The following OSBPL8 variants were observed in gnomAD, a reference collection of about 807,000 sequenced individuals.
The protein encoded by OSBPL8 is oxysterol-binding protein-related protein 8.
OSBPL8 carries 59 observed loss-of-function variants against 125.5 expected under a neutral mutation model. The observed-to-expected ratio is 0.47, with a 90% CI of 0.38 to 0.58. The LOEUF is 0.58. OSBPL8 is among the 20% of genes least tolerant of loss of function. The probability of loss-of-function intolerance (pLI) is 0.00; values close to 1 mark genes in which losing one functional copy is unlikely to be tolerated. For missense variants in OSBPL8, 758 were observed against 1,047.8 expected (o/e 0.72, Z 3.82); for synonymous variants, 330 against 338.9 (o/e 0.97, Z 0.29).
chr12:76,392,429 A>G (rs766390241), intron 10 of OSBPL8, 152 bp downstream of exon 10: 5 of 589,974 alleles, frequency 8.5e-6, no homozygotes, highest in African/African-American at 1.8e-5. Flanking sequence ...TATAGCAGCT[A>G]AACAAATTTT....
chr12:76,365,061 T>C (rs1410433354), intron 21 of OSBPL8, among the ~76,000 whole-genome samples: 1 of 152,128 alleles, frequency 6.6e-6, no homozygotes, highest in Admixed American at 6.5e-5. Context: ...GCTCACGTGA[T>C]CCTCCCATCT....
At chr12:76,383,353 G>A (rs1231300270) in intron 15 of OSBPL8, among the ~76,000 whole-genome samples, 3 of 148,534 alleles carry the variant, frequency 2.0e-5, no homozygotes, top group South Asian at 4.2e-4. Flanking sequence ...AACTTAAGGG[G>A]AAAAAAACAA....
chr12:76,524,613 GT>G (rs994485975), intron 1 of OSBPL8, among the ~76,000 whole-genome samples: 2 of 150,184 alleles, frequency 1.3e-5, no homozygotes, highest in African/African-American at 2.4e-5. Context: ...CCACTGTGAA[GT>G]TTTTTTTGGC....
chr12:76,434,871 C>T (rs1171021222), intron 4 of OSBPL8, among the ~76,000 whole-genome samples: 1 of 152,068 alleles, frequency 6.6e-6, no homozygotes, highest in Admixed American at 6.6e-5. Context: ...TAACTTTTCA[C>T]TAGGATGCAG....
intron 1 of OSBPL8, among the ~76,000 whole-genome samples, chr12:76,526,635 C>CTTTTTTTTTTTTTTTTT (rs573409160): frequency 6.2e-5 from 4 of 64,262 alleles, no homozygotes; most frequent in African/African-American, 2.1e-4. Context: ...CAGTAAATCT[C>CTTTTTTTTTTTTTTTTT]TTTTTTTTTT....
intron 12 of OSBPL8, among the ~76,000 whole-genome samples, chr12:76,387,886 CAT>C (rs1204649474): frequency 3.9e-5 from 6 of 152,242 alleles, no homozygotes; most frequent in African/African-American, 1.4e-4. Context: ...AAGAGGTACA[CAT>C]GTCTTGTTAC....
intron 1 of OSBPL8, among the ~76,000 whole-genome samples, chr12:76,555,708 T>G (rs1231027942): frequency 1.3e-5 from 2 of 152,194 alleles, no homozygotes; most frequent in Non-Finnish European, 2.9e-5. Context: ...GATTGGCCGA[T>G]GGAAACGACG....
At chr12:76,552,481 ATTTTTGTGGGC>A (rs1950974411) in intron 1 of OSBPL8, among the ~76,000 whole-genome samples, 1 of 149,524 alleles carries the variant, frequency 6.7e-6, no homozygotes, top group East Asian at 2.0e-4. Flanking sequence ...GGGAGCACAA[ATTTTTGTGGGC>A]AATGAAATGA....
rs1951885616 is a variant in OSBPL8 at position 76,353,332 on chromosome 12, A to G, written c.*2557T>C. 6.7e-6 allele frequency: 1 copy of G among 149,174 alleles called. No homozygotes were observed. The highest frequency in any genetic ancestry group is 6.7e-5 in the Admixed American group (1 of 14,990). The allele number at this position is 149,174 out of a possible 1,614,324, so 9.2% of individuals were successfully genotyped here. The stretch of plus-strand genomic sequence containing the variant: ...TTTTTTTTTTTACATGTCCTGGGCC[A>G]GCTACATTTTACTAAATGGTGGATG... On this transcript the variant is annotated 3_prime_UTR_variant, in exon 24 of 24. Transcript: ENST00000261183.
intron 1 of OSBPL8, among the ~76,000 whole-genome samples, chr12:76,511,334 G>A (rs1391145290): frequency 6.6e-6 from 1 of 152,130 alleles, no homozygotes; most frequent in Non-Finnish European, 1.5e-5. Context: ...CTTTCCACAT[G>A]GCTGAGCTAA....
intron 5 of OSBPL8, 90 bp downstream of exon 5, chr12:76,410,474 C>CA: frequency 2.1e-6 from 2 of 966,148 alleles, no homozygotes; most frequent in Non-Finnish European, 3.2e-6. Flanking sequence ...AAAAACATCA[C>CA]AAAAAAGCTT....
intron 1 of OSBPL8, among the ~76,000 whole-genome samples, chr12:76,503,568 C>G (rs772711981): frequency 6.6e-6 from 1 of 152,132 alleles, no homozygotes; most frequent in East Asian, 1.9e-4. Flanking sequence ...GACGGAGTCT[C>G]GCTTCTGCCA....
At chr12:76,359,867 T>C (rs1020893979) in intron 21 of OSBPL8, among the ~76,000 whole-genome samples, 4 of 152,042 alleles carry the variant, frequency 2.6e-5, no homozygotes, top group Non-Finnish European at 5.9e-5. Flanking sequence ...GTGGTAATTA[T>C]GGGAGTACAA....
chr12:76,385,192 T>C (rs1953258896), intron 14 of OSBPL8, among the ~76,000 whole-genome samples: 1 of 152,180 alleles, frequency 6.6e-6, no homozygotes, highest in South Asian at 2.1e-4. Flanking sequence ...ATAAGTGGTT[T>C]TGACTTGAGG....
At chr12:76,516,383 T>A (rs1209746988) in intron 1 of OSBPL8, among the ~76,000 whole-genome samples, 1 of 152,206 alleles carries the variant, frequency 6.6e-6, no homozygotes, top group Non-Finnish European at 1.5e-5. Context: ...TAGTCAAAAC[T>A]CCATATTCTT....
At chr12:76,532,808 A>C (rs1950384468) in intron 1 of OSBPL8, among the ~76,000 whole-genome samples, 1 of 152,078 alleles carries the variant, frequency 6.6e-6, no homozygotes, top group Non-Finnish European at 1.5e-5. Flanking sequence ...GTGAATGAAA[A>C]ACAATCACAA....
intron 2 of OSBPL8, among the ~76,000 whole-genome samples, chr12:76,475,380 G>A (rs1876678790): frequency 6.6e-6 from 1 of 152,194 alleles, no homozygotes; most frequent in African/African-American, 2.4e-5. Context: ...TCCTCCCAAA[G>A]TCTAGATTAG....
At chr12:76,524,926 C>T (rs1326968119) in intron 1 of OSBPL8, among the ~76,000 whole-genome samples, 3 of 152,014 alleles carry the variant, frequency 2.0e-5, no homozygotes, top group East Asian at 1.9e-4. Context: ...TTAGGTGATC[C>T]GCCCACCTCA....
chr12:76,432,935 G>A (rs542666788), intron 4 of OSBPL8, among the ~76,000 whole-genome samples: 1 of 152,264 alleles, frequency 6.6e-6, no homozygotes, highest in East Asian at 1.9e-4. Context: ...TGCAAGGATG[G>A]TTCAACATAT....
Sources: gnomAD v4.1 joint callset for allele counts (sites outside exome capture counted in the v4.1 genomes callset) on GRCh38, gnomAD v4.1.1 for gene constraint, MANE v1.5 for transcripts, NCBI Gene and HGNC (gene_info 2026-07-23, HGNC 2026-07-21) for gene names.